G3BP2: variants seen among roughly 807,000 people sequenced by gnomAD.
G3BP2 encodes ras GTPase-activating protein-binding protein 2.
A neutral mutation model predicts 56.7 loss-of-function variants in G3BP2; 11 were observed. The ratio of observed to expected loss-of-function variants is 0.19; its 90% confidence interval spans 0.12 to 0.32. The LOEUF is 0.32. Ranked by LOEUF, G3BP2 falls within the 10% of genes least tolerant of loss-of-function variation. The probability of loss-of-function intolerance (pLI) is 1.00; values close to 1 mark genes in which losing one functional copy is unlikely to be tolerated. For synonymous variants in G3BP2, 165 were observed against 191.6 expected, an observed-to-expected ratio of 0.86 and a Z score of 1.15; for missense variants, 340 against 610.9, an observed-to-expected ratio of 0.56 and a Z score of 4.67.
chr4:75,658,970 C>T lies in G3BP2; in HGVS notation c.96-46G>A, dbSNP rs190262153. 2.1e-4 allele frequency: 294 copies of T among 1,401,416 alleles called. 3 individuals carry two copies. In the East Asian group the frequency reaches 6.1e-3, roughly 29 times the overall value. 86.8% of individuals were successfully genotyped at this position (1,401,416 alleles called of 1,614,324 possible). On this transcript the variant is annotated intron_variant, in intron 2 of 11. Transcript: ENST00000359707. ...ATTAACACTGAATTGTCAAGAGAAG[C>T]CTAAGAAGCAGAATTCTGGTGTCAT...
chr4:75,696,966 T>G (rs1362102526), intron 3 of G3BP2, among the ~76,000 whole-genome samples: 1 of 152,116 alleles, frequency 6.6e-6, no homozygotes, highest in Admixed American at 6.6e-5. Context: ...ATTCAGACTT[T>G]ATTTTCATCC....
At chr4:75,654,277 T>C (rs902410694) in intron 7 of G3BP2, among the ~76,000 whole-genome samples, 196 bp from the exon 8 acceptor site, 8 of 152,248 alleles carry the variant, frequency 5.3e-5, no homozygotes, top group Non-Finnish European at 1.0e-4. Flanking sequence ...AGCTTATTTA[T>C]AACTTTTGTC....
rs548117660 is a variant in G3BP2, at chr4:75,685,630, A to G, written c.-24-23581T>C. ...CTAAGTTCCCTCAGCTTCTTTCCTCATTGATAAAAAGGCACAATTGCAGTT... is the reference window on the plus strand; with the variant it reads ...CTAAGTTCCCTCAGCTTCTTTCCTCGTTGATAAAAAGGCACAATTGCAGTT... On this transcript the variant is annotated intron_variant, in intron 3 of 3. Coordinates refer to the G3BP2 transcript ENST00000499709. 9.9e-5 allele frequency among the ~76,000 whole-genome samples: 15 copies of G among 152,186 alleles called. No individual in the cohort carries two copies. The East Asian group carries it at 2.9e-3, about 29-fold the overall frequency.
chr4:75,716,012 G>A (rs373186841), intron 3 of G3BP2, among the ~76,000 whole-genome samples: 1 of 152,146 alleles, frequency 6.6e-6, no homozygotes, highest in East Asian at 1.9e-4. Flanking sequence ...CTTTTTAGGA[G>A]TCAATACTCA....
upstream of G3BP2, among the ~76,000 whole-genome samples, chr4:75,676,610 C>T (rs984050560): frequency 1.3e-5 from 2 of 152,116 alleles, no homozygotes; most frequent in African/African-American, 4.8e-5. Context: ...ATTGTCAATA[C>T]ATTTCTGTTC....
chr4:75,718,385 A>G (rs1720012766), intron 3 of G3BP2, among the ~76,000 whole-genome samples: 1 of 152,202 alleles, frequency 6.6e-6, no homozygotes, highest in African/African-American at 2.4e-5. Context: ...TACGTTTATT[A>G]AATAATGTAA....
At chr4:75,661,068 T>TA (rs1560619980) in intron 2 of G3BP2, among the ~76,000 whole-genome samples, 1 of 151,976 alleles carries the variant, frequency 6.6e-6, no homozygotes, top group African/African-American at 2.4e-5. Context: ...GGGAGAACTT[T>TA]AAAAAAAAGA....
chr4:75,701,803 T>C (rs1719355962), intron 3 of G3BP2, among the ~76,000 whole-genome samples: 1 of 152,150 alleles, frequency 6.6e-6, no homozygotes, highest in Admixed American at 6.5e-5. Context: ...GGAGAATAAT[T>C]TTATCCACTT....
upstream of G3BP2, among the ~76,000 whole-genome samples, chr4:75,677,346 G>A (rs1333696587): frequency 1.3e-5 from 2 of 152,002 alleles, no homozygotes; most frequent in Non-Finnish European, 2.9e-5. Context: ...GCCCAGGTGG[G>A]TGGATCACGA....
intron 3 of G3BP2, among the ~76,000 whole-genome samples, chr4:75,714,928 A>G (rs934232680): frequency 1.3e-5 from 2 of 152,180 alleles, no homozygotes; most frequent in African/African-American, 4.8e-5. Context: ...TTAGTCCTGC[A>G]CTGCCTACCT....
intron 1 of G3BP2, among the ~76,000 whole-genome samples, chr4:75,669,611 C>T (rs1450562241): frequency 6.6e-6 from 1 of 152,234 alleles, no homozygotes; most frequent in Non-Finnish European, 1.5e-5. Flanking sequence ...TCCTACTATA[C>T]TTTCTCATCC....
At chr4:75,719,103 C>CT (rs1272012528) in intron 3 of G3BP2, among the ~76,000 whole-genome samples, 3 of 152,060 alleles carry the variant, frequency 2.0e-5, no homozygotes, top group Non-Finnish European at 4.4e-5. Context: ...AATCCCAGCA[C>CT]TTTGGGAGGC....
upstream of G3BP2, among the ~76,000 whole-genome samples, chr4:75,676,994 A>G (rs1230601059): frequency 6.6e-6 from 1 of 152,124 alleles, no homozygotes; most frequent in Non-Finnish European, 1.5e-5. Flanking sequence ...GTGAACCTTT[A>G]TCAAAACACT....
At chr4:75,719,013 G>C (rs1268954098) in intron 3 of G3BP2, among the ~76,000 whole-genome samples, 2 of 152,220 alleles carry the variant, frequency 1.3e-5, no homozygotes, top group Non-Finnish European at 2.9e-5. Flanking sequence ...AGCTAGTAGG[G>C]CTGGAGTTGA....
rs192964036 is a variant in G3BP2 at position 75,652,157 on chromosome 4, T to C, written c.825+1826A>G. 1.4e-4 allele frequency among the ~76,000 whole-genome samples: 21 copies of C among 152,364 alleles called. No individual in the cohort carries two copies. In the East Asian group the frequency reaches 3.7e-3, roughly 27 times the overall value. ...GGGTGGCATAGGAAATACAACTTCA[T>C]TTCCTACAACTAACTTTGAAAATAT... On this transcript the variant is annotated intron_variant, in intron 8 of 11. Coordinates refer to ENST00000359707, the MANE Select transcript of G3BP2 (RefSeq NM_203505.3).
At chr4:75,723,448 G>C (rs1720260824) in intron 1 of G3BP2, among the ~76,000 whole-genome samples, 1 of 152,168 alleles carries the variant, frequency 6.6e-6, no homozygotes. Flanking sequence ...GAAATGATGA[G>C]AAGAACATAA....
At chr4:75,660,974 C>A (rs1181104234) in intron 2 of G3BP2, among the ~76,000 whole-genome samples, 1 of 152,106 alleles carries the variant, frequency 6.6e-6, no homozygotes, top group Non-Finnish European at 1.5e-5. Context: ...TGCTGTTTTA[C>A]AAAGGAATAC....
At chr4:75,681,490 A>T (rs1358548705) in intron 3 of G3BP2, among the ~76,000 whole-genome samples, 2 of 152,164 alleles carry the variant, frequency 1.3e-5, no homozygotes, top group Admixed American at 6.5e-5. Context: ...CTACACATAC[A>T]TACCTACGAT....
chr4:75,719,323 G>C (rs1720053896), intron 3 of G3BP2, among the ~76,000 whole-genome samples: 1 of 135,982 alleles, frequency 7.4e-6, no homozygotes, highest in Admixed American at 7.8e-5. Flanking sequence ...ACTCCAGCCT[G>C]GGCGACAGAG....
Sources: gnomAD v4.1 joint callset for allele counts (sites outside exome capture counted in the v4.1 genomes callset) on GRCh38, gnomAD v4.1.1 for gene constraint, MANE v1.5 for transcripts, NCBI Gene and HGNC (gene_info 2026-07-23, HGNC 2026-07-21) for gene names.